Variants in TAFA1 observed in about 807,000 individuals in gnomAD.
TAFA1 encodes the protein TAFA chemokine like family member 1.
A neutral mutation model predicts 18.5 loss-of-function variants in TAFA1; 4 were observed. The observed-to-expected ratio is 0.22, with a 90% CI of 0.11 to 0.49. TAFA1 has a LOEUF of 0.49. TAFA1 is among the 20% of genes least tolerant of loss of function. TAFA1 has a pLI of 0.98. For missense variants in TAFA1, 147 were observed against 169.0 expected, an observed-to-expected ratio of 0.87 and a Z score of 0.72; for synonymous variants, 56 against 55.2, an observed-to-expected ratio of 1.01 and a Z score of -0.06.
chr3:68,453,385 C>T (rs1378950639), intron 3 of TAFA1, among the ~76,000 whole-genome samples: 2 of 152,186 alleles, frequency 1.3e-5, no homozygotes, highest in Non-Finnish European at 2.9e-5. Context: ...AGTCACTTTT[C>T]ATTCCTGTTC....
At chr3:68,422,366 C>G (rs557976015) in intron 3 of TAFA1, among the ~76,000 whole-genome samples, 30 of 152,192 alleles carry the variant, frequency 2.0e-4, no homozygotes, top group African/African-American at 7.2e-4. Context: ...CTCTGCGTGA[C>G]AGCAGTTGAT....
chr3:68,284,777 A>C (rs1265462120), intron 2 of TAFA1, among the ~76,000 whole-genome samples: 1 of 152,150 alleles, frequency 6.6e-6, no homozygotes, highest in East Asian at 1.9e-4. Flanking sequence ...AAAAAAAAAA[A>C]ATTGTTTTAA....
At chr3:68,251,448 G>A (rs1176920274) in intron 2 of TAFA1, among the ~76,000 whole-genome samples, 1 of 152,122 alleles carries the variant, frequency 6.6e-6, no homozygotes, top group African/African-American at 2.4e-5. Flanking sequence ...TTCATTCATT[G>A]CATGCCCACT....
chr3:68,452,596 T>C (rs2071584626), intron 3 of TAFA1, among the ~76,000 whole-genome samples: 1 of 150,844 alleles, frequency 6.6e-6, no homozygotes, highest in South Asian at 2.1e-4. Flanking sequence ...TACTCAGCCA[T>C]GGAAAATGCC....
intron 2 of TAFA1, among the ~76,000 whole-genome samples, chr3:68,404,712 G>A (rs987951539): frequency 6.6e-6 from 1 of 151,830 alleles, no homozygotes; most frequent in South Asian, 2.1e-4. Flanking sequence ...AAGGAGGGTC[G>A]CTTGAACCCA....
chr3:68,313,665 C>A (rs772174657), intron 2 of TAFA1, among the ~76,000 whole-genome samples: 21 of 152,186 alleles, frequency 1.4e-4, no homozygotes, highest in Non-Finnish European at 7.3e-5. Flanking sequence ...CTGCAGTGTA[C>A]ACCTGGACAA....
At chr3:68,350,307 G>A (rs1000736144) in intron 2 of TAFA1, among the ~76,000 whole-genome samples, 1 of 152,130 alleles carries the variant, frequency 6.6e-6, no homozygotes. Context: ...TATATACAAT[G>A]AGAGACAAAT....
intron 2 of TAFA1, among the ~76,000 whole-genome samples, chr3:68,050,840 A>G (rs1271116701): frequency 1.3e-5 from 2 of 152,170 alleles, no homozygotes; most frequent in South Asian, 2.1e-4. Context: ...CAATAAGTAA[A>G]TGAATGGTTG....
intron 2 of TAFA1, among the ~76,000 whole-genome samples, chr3:68,159,102 T>A (rs2065897349): frequency 6.6e-6 from 1 of 152,192 alleles, no homozygotes; most frequent in East Asian, 1.9e-4. Flanking sequence ...CTCACAGTCT[T>A]GTCTTGAGAA....
intron 2 of TAFA1, among the ~76,000 whole-genome samples, chr3:68,066,844 G>T (rs983001472): frequency 6.6e-6 from 1 of 152,184 alleles, no homozygotes; most frequent in Non-Finnish European, 1.5e-5. Flanking sequence ...AAATAGCTGG[G>T]AAGAACGTGA....
At chr3:68,132,196 C>T (rs543259771) in intron 2 of TAFA1, among the ~76,000 whole-genome samples, 1 of 152,162 alleles carries the variant, frequency 6.6e-6, no homozygotes, top group Non-Finnish European at 1.5e-5. Context: ...CATGTCCCTG[C>T]AAAGGACATG....
At chr3:68,395,511 G>A (rs544176749) in intron 2 of TAFA1, among the ~76,000 whole-genome samples, 278 of 152,200 alleles carry the variant, frequency 1.8e-3, no homozygotes, top group Non-Finnish European at 3.0e-3. Flanking sequence ...GCACACATAC[G>A]TTTACTGCAG....
rs142464431 is a variant in TAFA1 at position 68,128,140 on chromosome 3, G to C, written c.118+121396G>C. 9.9e-3 allele frequency among the ~76,000 whole-genome samples: 1,511 copies of C among 152,156 alleles called. 35 individuals carry two copies. Among genetic ancestry groups the C allele is most frequent in the African/African-American group, 0.035 (1,440 of 41,494 alleles). On this transcript the variant is annotated intron_variant, in intron 2 of 4. Coordinates refer to ENST00000478136, the MANE Select transcript of TAFA1 (RefSeq NM_213609.4). Reference sequence around the variant, plus strand: ...AAACTGAAAGAACAAGCTTATAGGGGTCACACCATTAATGATCAGTGGAGC... The same window carrying C: ...AAACTGAAAGAACAAGCTTATAGGGCTCACACCATTAATGATCAGTGGAGC...
chr3:68,094,898 T>C (rs1466296392), intron 2 of TAFA1, among the ~76,000 whole-genome samples: 1 of 152,188 alleles, frequency 6.6e-6, no homozygotes, highest in East Asian at 1.9e-4. Flanking sequence ...TCCTCTATCA[T>C]AACTGGAAGT....
At chr3:68,366,974 C>T (rs1265995967) in intron 2 of TAFA1, among the ~76,000 whole-genome samples, 2 of 152,178 alleles carry the variant, frequency 1.3e-5, no homozygotes, top group Non-Finnish European at 2.9e-5. Context: ...TCAAGGTCTC[C>T]AGAACTGACT....
chr3:68,256,148 T>C (rs2067294041), intron 2 of TAFA1, among the ~76,000 whole-genome samples: 1 of 152,104 alleles, frequency 6.6e-6, no homozygotes, highest in Non-Finnish European at 1.5e-5. Flanking sequence ...ACATTCCTTT[T>C]AGGTGTGAGT....
At chr3:68,418,424 GGAAGGACCGGCCA>G (rs2070886209) in intron 3 of TAFA1, among the ~76,000 whole-genome samples, 1 of 53,048 alleles carries the variant, frequency 1.9e-5, no homozygotes, top group Admixed American at 1.9e-4. Flanking sequence ...GTCACTTAAG[GGAAGGACCGGCCA>G]TTTTCACTTC....
At chr3:68,054,179 G>C (rs929668573) in intron 2 of TAFA1, among the ~76,000 whole-genome samples, 1 of 152,164 alleles carries the variant, frequency 6.6e-6, no homozygotes, top group African/African-American at 2.4e-5. Flanking sequence ...GTGATCCCCA[G>C]TGTTGGAAGA....
At chr3:68,063,136 G>A (rs1159159794) in intron 2 of TAFA1, among the ~76,000 whole-genome samples, 4 of 152,198 alleles carry the variant, frequency 2.6e-5, no homozygotes, top group Non-Finnish European at 5.9e-5. Context: ...CGAAATCTGG[G>A]TTTTTATTTG....
Sources: gnomAD v4.1 joint callset for allele counts (sites outside exome capture counted in the v4.1 genomes callset) on GRCh38, gnomAD v4.1.1 for gene constraint, MANE v1.5 for transcripts, NCBI Gene and HGNC (gene_info 2026-07-23, HGNC 2026-07-21) for gene names.